Variants in ALG5 observed in about 807,000 individuals in gnomAD.
ALG5 encodes dolichyl-phosphate beta-glucosyltransferase.
In ALG5, 26 loss-of-function variants were observed where a neutral mutation model predicts 51.8. The observed-to-expected ratio is 0.50, with a 90% CI of 0.37 to 0.70. The LOEUF (loss-of-function observed/expected upper bound fraction) is 0.70, where lower values mean the gene tolerates loss of function less well. Among genes scored for constraint, ALG5 ranks in the 30% least tolerant of loss-of-function variants. ALG5 has a pLI of 0.00. For missense variants in ALG5, 311 were observed against 399.3 expected (o/e 0.78, Z 1.88); for synonymous variants, 141 against 136.1 (o/e 1.04, Z -0.25).
At chr13:36,968,310 G>A (rs2058904729) in intron 7 of ALG5, among the ~76,000 whole-genome samples, 1 of 152,108 alleles carries the variant, frequency 6.6e-6, no homozygotes. Flanking sequence ...TTTATAAAAT[G>A]TAAACAAGAA....
At chr13:36,960,006 G>A (rs906536083) in intron 8 of ALG5, among the ~76,000 whole-genome samples, 3 of 151,958 alleles carry the variant, frequency 2.0e-5, no homozygotes, top group Non-Finnish European at 4.4e-5. Context: ...ACTCTTGAGA[G>A]CCTGAACATG....
rs543612270 is a variant in ALG5, at chr13:36,963,847, G to A, written c.773+1728C>T. On this transcript the variant is annotated intron_variant, in intron 8 of 9. Transcript: ENST00000239891. ...AATGGACATATACTGGCATAATCATGCAGATACCCAACATGAACAGGATTC... is the reference window on the plus strand; with the variant it reads ...AATGGACATATACTGGCATAATCATACAGATACCCAACATGAACAGGATTC... 1.4e-4 allele frequency among the ~76,000 whole-genome samples: 22 copies of A among 152,300 alleles called. No homozygotes were observed. In the South Asian group the frequency reaches 2.3e-3, roughly 16 times the overall value.
Position 36,970,986 on chromosome 13 carries a change from ACT to A in ALG5, c.621+989_621+990del, listed in dbSNP as rs372340073. ...ATATAATCCTTAAAAGGTTTTTGTCACTCTGTCATCAATATACCTTTTTTAAA... is the reference window on the plus strand; with the variant it reads ...ATATAATCCTTAAAAGGTTTTTGTCACTGTCATCAATATACCTTTTTTAAA... On this transcript the variant is annotated intron_variant, in intron 7 of 9. Coordinates refer to ENST00000239891, the MANE Select transcript of ALG5 (RefSeq NM_013338.5). 6.2e-3 allele frequency among the ~76,000 whole-genome samples: 942 copies of A among 152,176 alleles called. 2 individuals are homozygous for A. Among genetic ancestry groups the A allele is most frequent in the African/African-American group, 0.011 (471 of 41,514 alleles).
intron 4 of ALG5, among the ~76,000 whole-genome samples, chr13:36,992,823 G>A (rs572274208): frequency 6.6e-6 from 1 of 152,214 alleles, no homozygotes; most frequent in Non-Finnish European, 1.5e-5. Flanking sequence ...AGCGAAAACT[G>A]GTTTGTTTTA....
Position 36,999,227 on chromosome 13 carries a change from G to A in ALG5, c.66+8C>T, listed in dbSNP as rs749775352. The A allele has an allele frequency of 6.4e-7, 1 of 1,574,618 alleles. No homozygotes were observed. The highest frequency in any genetic ancestry group is 8.6e-7 in the Non-Finnish European group (1 of 1,163,134). ...CCGGCCTGCGCGGGTTCCCATCCCT[G>A]TTCTCACCAGTACGAGGGCTGCGGC... On this transcript the variant is annotated splice_region_variant and intron_variant, in intron 1 of 9. Transcript: ENST00000239891.
intron 4 of ALG5, among the ~76,000 whole-genome samples, chr13:36,991,662 C>T (rs1197627057): frequency 6.6e-6 from 1 of 152,164 alleles, no homozygotes; most frequent in African/African-American, 2.4e-5. Flanking sequence ...TCACTAAGTT[C>T]TAGCTTGTGA....
At chr13:36,976,241 C>T (rs2058949880) in intron 6 of ALG5, among the ~76,000 whole-genome samples, 1 of 150,708 alleles carries the variant, frequency 6.6e-6, no homozygotes, top group African/African-American at 2.4e-5. Context: ...CCCGTCTGGC[C>T]AACATGGTGA....
intron 8 of ALG5, among the ~76,000 whole-genome samples, chr13:36,965,034 G>C (rs1304859677): frequency 2.6e-5 from 4 of 152,114 alleles, no homozygotes; most frequent in Non-Finnish European, 5.9e-5. Flanking sequence ...TTTTTCAAGA[G>C]AAGGTTGCTT....
chr13:36,952,288 G>GT (rs2058821831), intron 9 of ALG5, among the ~76,000 whole-genome samples: 1 of 152,102 alleles, frequency 6.6e-6, no homozygotes, highest in Non-Finnish European at 1.5e-5. Flanking sequence ...TCTTCGACAA[G>GT]GTAGTAGGCC....
intron 4 of ALG5, among the ~76,000 whole-genome samples, chr13:36,991,908 C>T (rs1296379388): frequency 6.6e-6 from 1 of 152,146 alleles, no homozygotes. Context: ...GTTGGGATTA[C>T]GGGCATGAAC....
At chr13:36,958,359 A>G (rs557150912) in intron 8 of ALG5, among the ~76,000 whole-genome samples, 15 of 152,296 alleles carry the variant, frequency 9.8e-5, no homozygotes, top group Admixed American at 2.6e-4. Flanking sequence ...TTCAGGCCAT[A>G]CATTTCAATC....
rs1370057490 is a variant in ALG5 at position 36,967,222 on chromosome 13, C to CA, written c.622-1497dup. 6.2e-3 allele frequency among the ~76,000 whole-genome samples: 396 copies of CA among 63,890 alleles called. 2 individuals are homozygous for CA. The highest frequency in any genetic ancestry group is 0.011 in the South Asian group (23 of 2,090). The allele number at this position is 63,890 out of a possible 152,430, so 41.9% of individuals were successfully genotyped here. A position where few individuals can be genotyped will look rare whatever the true frequency, so the allele number is the denominator to read the frequency against. ...TGGGTGACAGAGTGAGACTCCAACT[C>CA]AAAAAAAAAAAAAAAGAAAAAAAGA... is the stretch of plus-strand genomic sequence containing the variant. On this transcript the variant is annotated intron_variant, in intron 7 of 9. Transcript: ENST00000239891.
chr13:36,967,569 T>TA, intron 7 of ALG5: 1 of 244,034 alleles, frequency 4.1e-6, no homozygotes, highest in South Asian at 5.2e-5. Context: ...AAGAATAAAA[T>TA]ACTTATCTAT....
chr13:36,967,813 GA>G, intron 7 of ALG5: 1 of 1,233,868 alleles, frequency 8.1e-7, no homozygotes, highest in Non-Finnish European at 1.1e-6. Context: ...TTATGCTTAG[GA>G]AAGGAACAAA....
At chr13:36,967,083 C>T (rs1477358674) in intron 7 of ALG5, among the ~76,000 whole-genome samples, 2 of 151,868 alleles carry the variant, frequency 1.3e-5, no homozygotes, top group Non-Finnish European at 2.9e-5. Flanking sequence ...ATTAGCCAGG[C>T]ATGGTGGCAC....
chr13:36,995,568 G>A lies in ALG5; in HGVS notation c.95C>T (p.Thr32Ile), dbSNP rs2059045593. 1 of 1,603,750 alleles carries A rather than the reference G, an allele frequency of 6.2e-7. No homozygotes were observed. Among genetic ancestry groups the A allele is most frequent in the Admixed American group, 1.8e-5 (1 of 56,882 alleles). ...ATGTCGATGGAGTGCTGGCATTTTT[G>A]TAGCAGTTGTAAATGCAACGATGGA... ...LISIVAFTTA[T>I]KMPALHRHEE... Residue 32 changes from threonine (T) to isoleucine (I), a missense_variant, in exon 2 of 10, where the codon ACA (threonine) becomes ATA (isoleucine). Coordinates refer to ENST00000239891, the MANE Select transcript of ALG5 (RefSeq NM_013338.5).
chr13:36,981,660 TTCAAAG>T (rs1162195956), intron 6 of ALG5, among the ~76,000 whole-genome samples: 6 of 152,038 alleles, frequency 3.9e-5, no homozygotes, highest in African/African-American at 1.2e-4. Flanking sequence ...AGAGACAAAG[TTCAAAG>T]GCAATGAACA....
At chr13:36,994,214 C>G (rs2138830236) in intron 3 of ALG5, among the ~76,000 whole-genome samples, 1 of 152,316 alleles carries the variant, frequency 6.6e-6, no homozygotes, top group African/African-American at 2.4e-5. Context: ...CTTCTTTTCT[C>G]TAAATTGAAT....
intron 8 of ALG5, among the ~76,000 whole-genome samples, chr13:36,953,656 A>G (rs1359018380): frequency 2.0e-5 from 3 of 152,178 alleles, no homozygotes; most frequent in East Asian, 1.9e-4. Context: ...AAGTCCACTT[A>G]TATTTGATTT....
Sources: allele counts gnomAD v4.1 joint callset (sites outside exome capture counted in the v4.1 genomes callset), GRCh38; gene constraint gnomAD v4.1.1; transcripts MANE v1.5; gene names NCBI Gene and HGNC (gene_info 2026-07-23, HGNC 2026-07-21).